Variants in ANO2 observed in about 807,000 individuals in gnomAD.
The protein encoded by ANO2 is anoctamin 2, also known as anoctamin-2.
In ANO2, 101 loss-of-function variants were observed where a neutral mutation model predicts 124.2. That is an observed-to-expected ratio of 0.81 (90% CI 0.69 to 0.96). The LOEUF (loss-of-function observed/expected upper bound fraction) is 0.96, where lower values mean the gene tolerates loss of function less well. Among genes scored for constraint, ANO2 ranks in the 40% least tolerant of loss-of-function variants. The pLI, the probability that ANO2 is intolerant of heterozygous loss-of-function variation, is 0.00. For missense variants in ANO2, 1,293 were observed against 1,274.5 expected (o/e 1.01, Z -0.22); for synonymous variants, 486 against 482.5 (o/e 1.01, Z -0.09).
intron 3 of ANO2, among the ~76,000 whole-genome samples, chr12:5,867,464 A>G (rs1478489705): frequency 6.6e-6 from 1 of 152,192 alleles, no homozygotes; most frequent in Admixed American, 6.5e-5. Context: ...GATGTACTAG[A>G]AAGTCCTAGG....
intron 10 of ANO2, among the ~76,000 whole-genome samples, chr12:5,764,323 G>T (rs749850128): frequency 2.8e-4 from 43 of 152,292 alleles, no homozygotes; most frequent in Non-Finnish European, 5.7e-4. Flanking sequence ...AGTAACTGAG[G>T]TGTATTGAGG....
chr12:5,733,530 T>C (rs1255058693), intron 13 of ANO2, among the ~76,000 whole-genome samples: 1 of 152,222 alleles, frequency 6.6e-6, no homozygotes, highest in Non-Finnish European at 1.5e-5. Context: ...GGGATTCAGG[T>C]ACTGGCTCAC....
chr12:5,939,894 C>T (rs1942824938), intron 1 of ANO2, among the ~76,000 whole-genome samples: 1 of 152,202 alleles, frequency 6.6e-6, no homozygotes, highest in Admixed American at 6.5e-5. Context: ...TAGTCTCTGT[C>T]ACAGAGGCCT....
chr12:5,750,677 T>C (rs1951407014), intron 11 of ANO2, among the ~76,000 whole-genome samples, 159 bp downstream of exon 11: 1 of 152,210 alleles, frequency 6.6e-6, no homozygotes, highest in Non-Finnish European at 1.5e-5. Flanking sequence ...CTGTAGCTCC[T>C]AGATCTGTCT....
chr12:5,848,228 T>A (rs981260271), intron 4 of ANO2, among the ~76,000 whole-genome samples: 1 of 152,188 alleles, frequency 6.6e-6, no homozygotes, highest in Admixed American at 6.5e-5. Context: ...CTGATTCCTA[T>A]AGACGACTGT....
At chr12:5,666,547 A>T (rs1432849206) in intron 14 of ANO2, among the ~76,000 whole-genome samples, 1 of 152,168 alleles carries the variant, frequency 6.6e-6, no homozygotes, top group Non-Finnish European at 1.5e-5. Context: ...GTGACGTTTC[A>T]TGACCCAGAA....
intron 20 of ANO2, among the ~76,000 whole-genome samples, chr12:5,586,797 T>C (rs1235416509): frequency 1.3e-5 from 2 of 152,194 alleles, no homozygotes; most frequent in Non-Finnish European, 2.9e-5. Flanking sequence ...ACCGGGACTC[T>C]GGAGTATTTG....
chr12:5,910,713 A>G (rs2136291652), intron 3 of ANO2, among the ~76,000 whole-genome samples: 1 of 152,202 alleles, frequency 6.6e-6, no homozygotes, highest in Middle Eastern at 3.4e-3. Flanking sequence ...AGATATAAGC[A>G]CCCTAAGAAG....
chr12:5,889,571 G>A (rs1357557308), intron 3 of ANO2, among the ~76,000 whole-genome samples: 2 of 152,244 alleles, frequency 1.3e-5, no homozygotes, highest in African/African-American at 4.8e-5. Flanking sequence ...ACTCTTAAAC[G>A]ACCCCTGTCT....
chr12:5,692,423 G>A (rs1451325282), intron 14 of ANO2, among the ~76,000 whole-genome samples: 1 of 152,072 alleles, frequency 6.6e-6, no homozygotes, highest in Non-Finnish European at 1.5e-5. Context: ...TGACTTCTTC[G>A]TTGGTTGATG....
Position 5,832,522 on chromosome 12 carries a change from G to C in ANO2, c.715C>G (p.Arg239Gly), listed in dbSNP as rs756606568. ...LQKLSSHLQPRVPEHSNNKMK... is the reference protein window; with the variant it reads ...LQKLSSHLQPGVPEHSNNKMK... ...TTGTTGTTGCTGTGTTCTGGAACTCGGGGCTGCAGGTGCGAGCTCAGCTTC... is the reference window on the plus strand; with the variant it reads ...TTGTTGTTGCTGTGTTCTGGAACTCCGGGCTGCAGGTGCGAGCTCAGCTTC... Residue 239 changes from arginine to glycine, a missense_variant, in exon 5 of 25, where the codon CGA becomes GGA. Arg to Gly is a moderately radical substitution (Grantham distance 125). Transcript: ENST00000682330. 1.9e-6 allele frequency: 3 copies of C among 1,613,948 alleles called. No individual in the cohort carries two copies. The highest frequency in any genetic ancestry group is 1.1e-5 in the South Asian group (1 of 91,070).
At chr12:5,755,390 T>A (rs1195866124) in intron 10 of ANO2, among the ~76,000 whole-genome samples, 2 of 131,402 alleles carry the variant, frequency 1.5e-5, no homozygotes, top group African/African-American at 3.1e-5. Context: ...TTATTTATTT[T>A]ATTTATTTAT....
intron 14 of ANO2, among the ~76,000 whole-genome samples, chr12:5,705,234 C>T (rs10735053): frequency 0.87 from 133,046 of 152,176 alleles, 58,319 homozygotes; most frequent in East Asian, 0.95. Context: ...CAATTACAAA[C>T]CTAATAGAGA....
intron 3 of ANO2, among the ~76,000 whole-genome samples, chr12:5,917,120 C>T (rs537868302): frequency 6.6e-6 from 1 of 152,200 alleles, no homozygotes; most frequent in African/African-American, 2.4e-5. Flanking sequence ...AACAACAATC[C>T]AGGACCCCAG....
intron 3 of ANO2, among the ~76,000 whole-genome samples, chr12:5,893,704 T>A (rs923107786): frequency 6.6e-6 from 1 of 150,518 alleles, no homozygotes; most frequent in Non-Finnish European, 1.5e-5. Flanking sequence ...TGTATTCTCA[T>A]TGTTCAACTC....
chr12:5,814,963 G>T (rs1376086847), intron 7 of ANO2, among the ~76,000 whole-genome samples: 1 of 152,148 alleles, frequency 6.6e-6, no homozygotes, highest in Non-Finnish European at 1.5e-5. Context: ...CAGTTTAAAG[G>T]ATCAAATGAG....
chr12:5,617,347 C>A (rs938086920), intron 16 of ANO2, among the ~76,000 whole-genome samples: 1 of 151,876 alleles, frequency 6.6e-6, no homozygotes, highest in African/African-American at 2.4e-5. Context: ...CCGTACCACA[C>A]CTTCTGGATC....
At chr12:5,878,202 A>G (rs895419546) in intron 3 of ANO2, among the ~76,000 whole-genome samples, 3 of 152,234 alleles carry the variant, frequency 2.0e-5, no homozygotes, top group Non-Finnish European at 4.4e-5. Flanking sequence ...TACAAACCAG[A>G]TTGTGCGTGA....
At chr12:5,873,728 T>C (rs1191184813) in intron 3 of ANO2, among the ~76,000 whole-genome samples, 1 of 152,220 alleles carries the variant, frequency 6.6e-6, no homozygotes, top group South Asian at 2.1e-4. Flanking sequence ...CCTGAGCTAA[T>C]GGGGCTGCTT....
Sources: allele counts gnomAD v4.1 joint callset (sites outside exome capture counted in the v4.1 genomes callset), GRCh38; gene constraint gnomAD v4.1.1; transcripts MANE v1.5; gene names NCBI Gene and HGNC (gene_info 2026-07-23, HGNC 2026-07-21).